PRMT9: variants seen among roughly 807,000 people sequenced by gnomAD.
PRMT9 encodes the protein protein arginine N-methyltransferase 9.
A neutral mutation model predicts 83.2 loss-of-function variants in PRMT9; 59 were observed. The ratio of observed to expected loss-of-function variants is 0.71; its 90% CI spans 0.57 to 0.88. PRMT9 has a LOEUF of 0.88. Among genes scored for constraint, PRMT9 ranks in the 40% least tolerant of loss-of-function variants. The probability of loss-of-function intolerance (pLI) is 0.00; values close to 1 mark genes in which losing one functional copy is unlikely to be tolerated. For missense variants in PRMT9, 947 were observed against 1,021.9 expected, an observed-to-expected ratio of 0.93 and a Z score of 1.00; for synonymous variants, 333 against 353.2, an observed-to-expected ratio of 0.94 and a Z score of 0.64.
At chr4:147,661,900 T>C (rs916384474) in intron 6 of PRMT9, among the ~76,000 whole-genome samples, 2 of 151,570 alleles carry the variant, frequency 1.3e-5, no homozygotes, top group Admixed American at 6.6e-5. Context: ...TCATACACCA[T>C]TGGAGTATAA....
At chr4:147,669,058 C>A (rs550104104) in intron 5 of PRMT9, among the ~76,000 whole-genome samples, 25 of 152,120 alleles carry the variant, frequency 1.6e-4, no homozygotes, top group African/African-American at 5.8e-4. Flanking sequence ...TGCACTCCAG[C>A]CTGGGCTACA....
rs772640938 is a variant in PRMT9 at position 147,654,163 on chromosome 4, G to A, written c.1734C>T (p.Ile578=). ...GTGQSNTVQN[I]LEPFYVLDVS... ...CATCTAACACGTAGAAAGGTTCAAG[G>A]ATGTTCTGTACAGTATTACTCTGTC... The change falls in exon 9 of 12, where the codon ATC becomes ATT. Residue 578 remains isoleucine (I), a synonymous_variant. Transcript: ENST00000322396. The A allele has an allele frequency of 2.5e-6, 4 of 1,614,190 alleles. No homozygotes were observed. Among genetic ancestry groups the A allele is most frequent in the Non-Finnish European group, 3.4e-6 (4 of 1,180,028 alleles).
intron 9 of PRMT9, among the ~76,000 whole-genome samples, chr4:147,651,129 T>A (rs17023637): frequency 0.012 from 1,753 of 151,644 alleles, 40 homozygotes; most frequent in African/African-American, 0.04. Flanking sequence ...AGAGACCATA[T>A]AAATAAACCC....
intron 6 of PRMT9, among the ~76,000 whole-genome samples, chr4:147,665,479 C>T (rs1282215763): frequency 6.6e-6 from 1 of 152,152 alleles, no homozygotes; most frequent in Non-Finnish European, 1.5e-5. Context: ...CCAGATTTGG[C>T]CAGTGGGAGA....
chr4:147,659,110 T>C (rs1734747782), intron 7 of PRMT9, among the ~76,000 whole-genome samples: 1 of 147,410 alleles, frequency 6.8e-6, no homozygotes, highest in Non-Finnish European at 1.5e-5. Context: ...ACCCGGAAGG[T>C]GGAGCTTGCA....
At chr4:147,671,831 T>C (rs1267821457) in intron 4 of PRMT9, 1 of 456,114 alleles carries the variant, frequency 2.2e-6, no homozygotes, top group Admixed American at 2.3e-5. Context: ...CTTTGATTCA[T>C]GCTGACTCAT....
intron 11 of PRMT9, 106 bp from the exon 12 acceptor site, chr4:147,638,853 A>G: frequency 7.3e-7 from 1 of 1,361,054 alleles, no homozygotes; most frequent in South Asian, 1.2e-5. Flanking sequence ...ACATTTCACT[A>G]GATTTAAATC....
intron 10 of PRMT9, among the ~76,000 whole-genome samples, chr4:147,642,245 T>TC (rs1733451018): frequency 6.7e-6 from 1 of 148,714 alleles, no homozygotes; most frequent in East Asian, 2.0e-4. Context: ...TCTAAAAACT[T>TC]TTTTTTTTTT....
chr4:147,647,099 A>G (rs1030368946), intron 9 of PRMT9, among the ~76,000 whole-genome samples: 1 of 152,102 alleles, frequency 6.6e-6, no homozygotes, highest in African/African-American at 2.4e-5. Flanking sequence ...CAAGGTTAGG[A>G]TTATGGGAGG....
At chr4:147,660,627 CAAAGAAAGA>C (rs1734887231) in intron 7 of PRMT9, among the ~76,000 whole-genome samples, 1 of 151,324 alleles carries the variant, frequency 6.6e-6, no homozygotes, top group South Asian at 2.1e-4. Context: ...AAGACACTGT[CAAAGAAAGA>C]AAAGAAAGAA....
At chr4:147,657,189 T>C (rs1185355954) in intron 8 of PRMT9, among the ~76,000 whole-genome samples, 1 of 152,120 alleles carries the variant, frequency 6.6e-6, no homozygotes, top group African/African-American at 2.4e-5. Flanking sequence ...TTTCCAGTAC[T>C]TTCCATGAAA....
chr4:147,639,199 T>G, intron 10 of PRMT9, 117 bp from the exon 11 acceptor site: 1 of 984,742 alleles, frequency 1.0e-6, no homozygotes, highest in Non-Finnish European at 1.6e-6. Context: ...GACTCAATAG[T>G]ACTTGACAGA....
intron 9 of PRMT9, among the ~76,000 whole-genome samples, chr4:147,649,615 G>C (rs1009763663): frequency 6.6e-6 from 1 of 152,054 alleles, no homozygotes; most frequent in Non-Finnish European, 1.5e-5. Flanking sequence ...CGATTCTCCT[G>C]CCTCAGCCTC....
chr4:147,640,078 TTTTTTTTTTTTTAA>T (rs70958572), intron 10 of PRMT9, among the ~76,000 whole-genome samples: 8,095 of 102,516 alleles, frequency 0.079, 400 homozygotes, highest in Non-Finnish European at 0.11. Flanking sequence ...TTTTTTTTTT[TTTTTTTTTTTTTAA>T]TATAGGGTCT....
At chr4:147,669,160 G>C (rs187797688) in intron 5 of PRMT9, among the ~76,000 whole-genome samples, 76 of 151,864 alleles carry the variant, frequency 5.0e-4, no homozygotes, top group African/African-American at 1.8e-3. Flanking sequence ...AAGCCAAGGA[G>C]AGAGGACCAC....
At chr4:147,678,021 T>C (rs1026409366) in intron 2 of PRMT9, among the ~76,000 whole-genome samples, 1 of 152,192 alleles carries the variant, frequency 6.6e-6, no homozygotes, top group African/African-American at 2.4e-5. Flanking sequence ...GATTGCTCTA[T>C]TAATTTAATG....
At chr4:147,676,329 G>C (rs1736070426) in intron 2 of PRMT9, among the ~76,000 whole-genome samples, 1 of 152,156 alleles carries the variant, frequency 6.6e-6, no homozygotes, top group South Asian at 2.1e-4. Context: ...AAATATAATT[G>C]AATCCTATAG....
chr4:147,642,257 G>A (rs1157885327), intron 10 of PRMT9, among the ~76,000 whole-genome samples: 1 of 142,090 alleles, frequency 7.0e-6, no homozygotes, highest in Non-Finnish European at 1.5e-5. Flanking sequence ...TTTTTTTTTT[G>A]AGATGCAGTC....
chr4:147,657,531 A>G (rs575429392), intron 8 of PRMT9, among the ~76,000 whole-genome samples: 10 of 152,196 alleles, frequency 6.6e-5, no homozygotes, highest in African/African-American at 2.2e-4. Context: ...CGTTAAAAAA[A>G]AAAAAAGAAA....
Sources: allele counts gnomAD v4.1 joint callset (sites outside exome capture counted in the v4.1 genomes callset), GRCh38; gene constraint gnomAD v4.1.1; transcripts MANE v1.5; gene names NCBI Gene and HGNC (gene_info 2026-07-23, HGNC 2026-07-21).